VWA3A: variants seen among roughly 807,000 people sequenced by gnomAD.
VWA3A encodes the protein von Willebrand factor A domain containing 3A.
Under a neutral mutation model 160.4 loss-of-function variants are expected in VWA3A, and 134 were observed. That is an observed-to-expected ratio of 0.84 (90% CI 0.73 to 0.96). The LOEUF is 0.96. Among genes scored for constraint, VWA3A ranks in the 40% least tolerant of loss-of-function variants. VWA3A has a pLI of 0.00. For synonymous variants in VWA3A, 476 were observed against 543.4 expected, an observed-to-expected ratio of 0.88 and a Z score of 1.72; for missense variants, 1,310 against 1,447.9, an observed-to-expected ratio of 0.90 and a Z score of 1.55.
At chr16:22,133,148 A>G in intron 20 of VWA3A, 53 bp downstream of exon 20, 1 of 1,555,810 alleles carries the variant, frequency 6.4e-7, no homozygotes, top group Non-Finnish European at 8.7e-7. Flanking sequence ...TTGTCTCAGC[A>G]CCAGCATAGC....
chr16:22,112,032 G>A (rs1333414163), intron 8 of VWA3A, among the ~76,000 whole-genome samples: 1 of 152,126 alleles, frequency 6.6e-6, no homozygotes, highest in Non-Finnish European at 1.5e-5. Context: ...CTGTACCTTG[G>A]CTTTCTAGCT....
At position 22,152,633 on chromosome 16, in the gene VWA3A, AG is replaced by A; in HGVS notation, c.3405+1del. ...SLLTKGFINE[K>X]DPTLPPFEGD... ...CTGACCAAAGGCTTCATCAATGAAA[AG>A]GTAGGTTGCAGAGCCACTGAGCATG... On this transcript the variant is annotated frameshift_variant and splice_region_variant, in exon 31 of 34. Coordinates refer to ENST00000389398, the MANE Select transcript of VWA3A (RefSeq NM_173615.5). LOFTEE classifies it high-confidence loss of function. The A allele has an allele frequency of 3.1e-6, 5 of 1,602,138 alleles. No homozygotes were observed. Among genetic ancestry groups the A allele is most frequent in the Non-Finnish European group, 4.3e-6 (5 of 1,174,164 alleles).
rs1357123728 is a variant in VWA3A, at chr16:22,100,253, G to T, written c.285G>T (p.Ser95=). The T allele has an allele frequency of 2.6e-6, 4 of 1,551,098 alleles. No individual in the cohort carries two copies. Among genetic ancestry groups the T allele is most frequent in the Non-Finnish European group, 3.5e-6 (4 of 1,146,930 alleles). ...GGGAGGACTCTGAAGACTGGCTTTC[G>T]GCTCACAGTTTAAAATGTCAGAAAC... ...SDWEDSEDWL[S]AHSLKCQKLT... is the part of the protein sequence containing the mutation. Residue 95 remains serine, a synonymous_variant, in exon 4 of 34, where the codon TCG becomes TCT. Coordinates refer to ENST00000389398, the MANE Select transcript of VWA3A (RefSeq NM_173615.5).
chr16:22,152,796 G>T (rs1366275186), intron 31 of VWA3A, among the ~76,000 whole-genome samples, 162 bp downstream of exon 31: 1 of 152,098 alleles, frequency 6.6e-6, no homozygotes, highest in Non-Finnish European at 1.5e-5. Context: ...GCCCATCCTG[G>T]GTTTTCCTTC....
Position 22,100,337 on chromosome 16 carries a change from C to T in VWA3A, c.350+19C>T, listed in dbSNP as rs374019319. The T allele has an allele frequency of 8.4e-6, 13 of 1,551,450 alleles. No homozygotes were observed. In the African/African-American group the frequency reaches 1.8e-4, roughly 21 times the overall value. ...AAGTGCTGTAAGTCTGAAGCTGTTC[C>T]CCGCACCCCCCACAGCTGCAGTGAC... On this transcript the variant is annotated intron_variant, in intron 4 of 33. Transcript: ENST00000389398.
At chr16:22,112,672 A>G (rs537774589) in intron 8 of VWA3A, among the ~76,000 whole-genome samples, 3 of 152,262 alleles carry the variant, frequency 2.0e-5, no homozygotes, top group Admixed American at 6.5e-5. Flanking sequence ...GCAGTGAGCT[A>G]TGGTTGTGCT....
chr16:22,152,323 C>G (rs1181447842), intron 30 of VWA3A, among the ~76,000 whole-genome samples, 188 bp from the exon 31 acceptor site: 1 of 152,172 alleles, frequency 6.6e-6, no homozygotes, highest in Admixed American at 6.5e-5. Context: ...GCAGCAGTTG[C>G]TATAGCTGTC....
chr16:22,144,678 G>T (rs1160420048), intron 26 of VWA3A, among the ~76,000 whole-genome samples: 1 of 152,106 alleles, frequency 6.6e-6, no homozygotes, highest in Non-Finnish European at 1.5e-5. Flanking sequence ...AGTGCTTTAG[G>T]AGGCTGAGGT....
intron 3 of VWA3A, among the ~76,000 whole-genome samples, chr16:22,099,123 C>T (rs915415589): frequency 2.6e-5 from 4 of 151,314 alleles, no homozygotes; most frequent in African/African-American, 4.9e-5. Context: ...GTACCATGCT[C>T]GGTGTTTCCA....
At chr16:22,129,165 G>A (rs546395132) in intron 17 of VWA3A, among the ~76,000 whole-genome samples, 5 of 151,930 alleles carry the variant, frequency 3.3e-5, no homozygotes, top group African/African-American at 9.7e-5. Context: ...CGAGGCGGGC[G>A]GATCACGAGG....
chr16:22,102,838 G>A (rs745325564), intron 5 of VWA3A, among the ~76,000 whole-genome samples: 4 of 151,870 alleles, frequency 2.6e-5, no homozygotes, highest in East Asian at 1.9e-4. Context: ...TGCCCTCACC[G>A]GGCAGAGTGA....
At chr16:22,133,987 G>T (rs1055079713) in intron 20 of VWA3A, among the ~76,000 whole-genome samples, 1 of 151,758 alleles carries the variant, frequency 6.6e-6, no homozygotes, top group Non-Finnish European at 1.5e-5. Context: ...TTTTAGAGAC[G>T]GGGTCTCCCT....
chr16:22,127,581 A>G (rs1225946039), intron 17 of VWA3A, among the ~76,000 whole-genome samples: 1 of 152,220 alleles, frequency 6.6e-6, no homozygotes, highest in Non-Finnish European at 1.5e-5. Context: ...TTAGTATTAG[A>G]TATTATTCTG....
chr16:22,109,420 G>C, intron 6 of VWA3A, 62 bp from the exon 7 acceptor site: 3 of 1,356,420 alleles, frequency 2.2e-6, no homozygotes, highest in Non-Finnish European at 3.1e-6. Flanking sequence ...GCACAGAGCA[G>C]CTCAGTGTAG....
chr16:22,103,398 C>T (rs1400085875), intron 5 of VWA3A, 77 bp from the exon 6 acceptor site: 1 of 1,309,754 alleles, frequency 7.6e-7, no homozygotes, highest in African/African-American at 1.5e-5. Context: ...TTCATACCTG[C>T]CTTTTGTGTA....
intron 1 of VWA3A, among the ~76,000 whole-genome samples, chr16:22,095,630 T>A (rs1352101390): frequency 2.0e-5 from 3 of 152,160 alleles, no homozygotes; most frequent in Non-Finnish European, 4.4e-5. Flanking sequence ...TGATCATAGC[T>A]CACTGCAGCC....
chr16:22,117,987 AACC>A (rs1221531823), intron 11 of VWA3A, among the ~76,000 whole-genome samples: 1 of 152,236 alleles, frequency 6.6e-6, no homozygotes, highest in African/African-American at 2.4e-5. Flanking sequence ...TTTATCTTAA[AACC>A]TGTGGCTTGA....
intron 27 of VWA3A, among the ~76,000 whole-genome samples, chr16:22,147,404 C>G (rs1300230352): frequency 6.6e-6 from 1 of 152,124 alleles, no homozygotes; most frequent in African/African-American, 2.4e-5. Context: ...CTGGAAGCAT[C>G]AAGCCCAAGA....
chr16:22,141,701 G>A lies in VWA3A; in HGVS notation c.2494+9G>A. 2.5e-6 allele frequency: 4 copies of A among 1,601,184 alleles called. No homozygotes were observed. The highest frequency in any genetic ancestry group is 2.6e-6 in the Non-Finnish European group (3 of 1,173,892). On this transcript the variant is annotated intron_variant, in intron 24 of 33. Transcript: ENST00000389398. ...GAAAGGGAATGACGTGGGTAAGTTA[G>A]AGGCTATACAGGTGTCTGGACAGCC...
Sources: allele counts gnomAD v4.1 joint callset (sites outside exome capture counted in the v4.1 genomes callset), GRCh38; gene constraint gnomAD v4.1.1; transcripts MANE v1.5; gene names NCBI Gene and HGNC (gene_info 2026-07-23, HGNC 2026-07-21).